The following LONP1 variants were observed in gnomAD, a reference collection of about 807,000 sequenced individuals.
The protein encoded by LONP1 is lon protease homolog, mitochondrial.
A neutral mutation model predicts 98.5 loss-of-function variants in LONP1; 31 were observed. The observed-to-expected ratio is 0.31, with a 90% CI of 0.24 to 0.42. The LOEUF (loss-of-function observed/expected upper bound fraction) is 0.42. LONP1 is among the 20% of genes least tolerant of loss of function. LONP1 has a pLI of 1.00. For missense variants in LONP1, 1,336 were observed against 1,350.6 expected, an observed-to-expected ratio of 0.99 and a Z score of 0.17; for synonymous variants, 781 against 594.7, an observed-to-expected ratio of 1.31 and a Z score of -4.56.
chr19:5,713,384 C>G (rs2055267918), intron 2 of LONP1, 131 bp from the exon 3 acceptor site: 1 of 1,144,588 alleles, frequency 8.7e-7, no homozygotes, highest in East Asian at 2.4e-5. Flanking sequence ...AGAGCGGCCT[C>G]CTTGGCTCCC....
At chr19:5,695,974 C>A in intron 13 of LONP1, 80 bp downstream of exon 13, 1 of 1,319,272 alleles carries the variant, frequency 7.6e-7, no homozygotes. Flanking sequence ...CAGGAGCTCC[C>A]AGAGGCACGG....
Position 5,708,332 on chromosome 19 carries a change from A to G in LONP1, c.932+10T>C. The stretch of plus-strand genomic sequence containing the variant: ...CCCCCGCCTGGCCAGCTGCCCGCAC[A>G]GAGGCCCACCTGTAGAGAGGGTTCA... On this transcript the variant is annotated intron_variant, in intron 5 of 17. Coordinates refer to ENST00000360614, the MANE Select transcript of LONP1 (RefSeq NM_004793.4). The G allele has an allele frequency of 6.5e-7, 1 of 1,526,888 alleles. No individual in the cohort carries two copies. Among genetic ancestry groups the G allele is most frequent in the Non-Finnish European group, 8.9e-7 (1 of 1,126,972 alleles). The allele number at this position is 1,526,888 out of a possible 1,614,324, so 94.6% of individuals were successfully genotyped here. A position where few individuals can be genotyped will look rare whatever the true frequency, so the allele number is the denominator to read the frequency against.
At chr19:5,706,564 G>A (rs961270200) in intron 7 of LONP1, among the ~76,000 whole-genome samples, 12 of 152,026 alleles carry the variant, frequency 7.9e-5, no homozygotes, top group East Asian at 3.9e-4. Context: ...CTGAGATTGC[G>A]CCATTGCACT....
chr19:5,708,606 G>A, intron 4 of LONP1: 1 of 456,216 alleles, frequency 2.2e-6, no homozygotes, highest in Non-Finnish European at 4.2e-6. Flanking sequence ...ACAGGACCAA[G>A]AGAGTCAAAA....
chr19:5,700,651 C>G, intron 9 of LONP1, 138 bp downstream of exon 9: 1 of 1,226,064 alleles, frequency 8.2e-7, no homozygotes, highest in African/African-American at 1.5e-5. Context: ...GCTACCTCCG[C>G]CGGGATCCCC....
intron 10 of LONP1, among the ~76,000 whole-genome samples, chr19:5,697,367 C>T (rs1014178916): frequency 2.0e-5 from 3 of 151,684 alleles, no homozygotes; most frequent in African/African-American, 4.8e-5. Context: ...GAGCAACGCA[C>T]GTGAGGAGAG....
chr19:5,711,904 GCCT>G lies in LONP1; in HGVS notation c.734_736del (p.Glu245del). On this transcript the variant is annotated inframe_deletion, in exon 4 of 18. Transcript: ENST00000360614. ...GTGCCTGGCGCTCAGCTCGTCCTCCGCCTCCTTCTTGCCCCGCTTTGACTTCCT... is the reference window on the plus strand; with the variant it reads ...GTGCCTGGCGCTCAGCTCGTCCTCCGCCTTCTTGCCCCGCTTTGACTTCCT... 1.2e-6 allele frequency: 2 copies of G among 1,612,938 alleles called. No individual in the cohort carries two copies. The highest frequency in any genetic ancestry group is 2.2e-5 in the South Asian group (2 of 91,076).
Position 5,694,552 on chromosome 19 carries a change from C to T in LONP1, c.2155G>A (p.Val719Met), listed in dbSNP as rs750942603. The T allele has an allele frequency of 1.9e-6, 3 of 1,610,514 alleles. No individual in the cohort carries two copies. Among genetic ancestry groups the T allele is most frequent in the South Asian group, 2.2e-5 (2 of 91,016 alleles). ...VRNLQKQVEK[V>M]LRKSAYKIVS... The stretch of plus-strand genomic sequence containing the variant: ...ATCTTGTAGGCCGATTTCCGTAACA[C>T]CTGGGCGGTCAGGGCAACACAATGG... The change falls in exon 15 of 18, where the codon GTG (valine) becomes ATG (methionine). Residue 719 changes from valine to methionine, a missense_variant and splice_region_variant. Val to Met is a conservative substitution (Grantham distance 21, BLOSUM62 1). Coordinates refer to ENST00000360614, the MANE Select transcript of LONP1 (RefSeq NM_004793.4).
rs376821832 is a variant in LONP1, at chr19:5,694,746, G to A, written c.2154+15C>T. The A allele has an allele frequency of 1.2e-4, 187 of 1,584,654 alleles. 1 individual carries two copies. The Middle Eastern group carries it at 2.4e-3, about 20-fold the overall frequency. On this transcript the variant is annotated intron_variant, in intron 14 of 17. Coordinates refer to ENST00000360614, the MANE Select transcript of LONP1 (RefSeq NM_004793.4). ...GGTGGGCGGCAGGTGCCAGGAGGGC[G>A]GGCTGGCCGCTCACCTTCTCCACTT... is the stretch of plus-strand genomic sequence containing the variant.
chr19:5,701,015 TTGAAACCCATGTGTGGGGC>T, intron 8 of LONP1, 88 bp from the exon 9 acceptor site: 1 of 1,491,604 alleles, frequency 6.7e-7, no homozygotes, highest in Non-Finnish European at 9.3e-7. Context: ...TGCAAGGGGC[TTGAAACCCATGTGTGGGGC>T]TGAGCGCGGT....
At chr19:5,706,094 GAGAAA>G (rs763491754) in intron 7 of LONP1, 102 bp from the exon 8 acceptor site, 12 of 764,978 alleles carry the variant, frequency 1.6e-5, no homozygotes, top group Non-Finnish European at 2.6e-5. Flanking sequence ...AGGACTCAGA[GAGAAA>G]AGAAACGAAA....
intron 1 of LONP1, among the ~76,000 whole-genome samples, chr19:5,716,166 G>A (rs1451064106): frequency 6.7e-6 from 1 of 149,810 alleles, no homozygotes; most frequent in African/African-American, 2.5e-5. Context: ...GAGCCCAGGA[G>A]TTTGAGACCA....
intron 15 of LONP1, among the ~76,000 whole-genome samples, 158 bp from the exon 16 acceptor site, chr19:5,693,927 T>G (rs2054877951): frequency 6.6e-6 from 1 of 152,178 alleles, no homozygotes; most frequent in Non-Finnish European, 1.5e-5. Context: ...CGCTGGCCTC[T>G]ACGTTTGCTG....
intron 1 of LONP1, among the ~76,000 whole-genome samples, chr19:5,716,559 T>C (rs2145634738): frequency 6.6e-6 from 1 of 150,932 alleles, no homozygotes; most frequent in East Asian, 2.0e-4. Flanking sequence ...TACATAATTT[T>C]TTTTTTTTCT....
chr19:5,692,340 A>G, intron 17 of LONP1, 132 bp from the exon 18 acceptor site: 1 of 826,140 alleles, frequency 1.2e-6, no homozygotes, highest in South Asian at 2.0e-5. Flanking sequence ...AGTAAGTCCC[A>G]AAACCCACCA....
chr19:5,715,939 A>AC (rs920809425), intron 1 of LONP1, among the ~76,000 whole-genome samples: 5 of 151,716 alleles, frequency 3.3e-5, no homozygotes, highest in East Asian at 1.9e-4. Context: ...AATGATCAAG[A>AC]CCCCCAGGAT....
intron 4 of LONP1, among the ~76,000 whole-genome samples, chr19:5,710,065 C>T (rs559821257): frequency 2.6e-5 from 4 of 151,160 alleles, no homozygotes; most frequent in South Asian, 2.1e-4. Flanking sequence ...ACAGTGTAGC[C>T]GCTGGTGGCT....
chr19:5,698,374 C>T (rs557594507), intron 10 of LONP1, among the ~76,000 whole-genome samples: 1 of 152,322 alleles, frequency 6.6e-6, no homozygotes, highest in South Asian at 2.1e-4. Flanking sequence ...ACTCGGCTCT[C>T]ACTGAGGCTA....
chr19:5,691,950 A>T lies in LONP1; in HGVS notation c.*82T>A. 2.3e-6 allele frequency: 2 copies of T among 881,038 alleles called. No homozygotes were observed. The highest frequency in any genetic ancestry group is 1.6e-6 in the Non-Finnish European group (1 of 614,448). The allele number at this position is 881,038 out of a possible 1,614,324, so 54.6% of individuals were successfully genotyped here. ...CTGCTCGCTCGGTGGCTCCACTGCC[A>T]GGTCCGGGCGCGCTCCCCACAGCGC... On this transcript the variant is annotated 3_prime_UTR_variant, in exon 18 of 18. Transcript: ENST00000360614.
Sources: gnomAD v4.1 joint callset for allele counts (sites outside exome capture counted in the v4.1 genomes callset) on GRCh38, gnomAD v4.1.1 for gene constraint, MANE v1.5 for transcripts, NCBI Gene and HGNC (gene_info 2026-07-23, HGNC 2026-07-21) for gene names.